Variants in THSD7A observed in about 807,000 individuals in gnomAD.
THSD7A encodes the protein thrombospondin type 1 domain containing 7A.
Under a neutral mutation model 231.3 loss-of-function variants are expected in THSD7A, and 96 were observed. The ratio of observed to expected loss-of-function variants is 0.41; its 90% CI spans 0.35 to 0.49. The LOEUF is 0.49. THSD7A is among the 20% of genes least tolerant of loss of function. The probability of loss-of-function intolerance (pLI) is 0.05; values close to 1 mark genes in which losing one functional copy is unlikely to be tolerated. For synonymous variants in THSD7A, 940 were observed against 743.3 expected (o/e 1.26, Z -4.30); for missense variants, 2,290 against 2,070.2 (o/e 1.11, Z -2.06).
At chr7:11,415,628 C>T (rs963817377) in intron 17 of THSD7A, among the ~76,000 whole-genome samples, 5 of 151,984 alleles carry the variant, frequency 3.3e-5, no homozygotes, top group African/African-American at 1.2e-4. Context: ...ATGTAGATTA[C>T]GGGGTACTAA....
chr7:11,829,677 A>G (rs1562584902), intron 1 of THSD7A, among the ~76,000 whole-genome samples: 1 of 152,132 alleles, frequency 6.6e-6, no homozygotes, highest in Non-Finnish European at 1.5e-5. Flanking sequence ...TGATACACAC[A>G]TAGTGATTCT....
chr7:11,496,705 C>G (rs958621757), intron 6 of THSD7A, among the ~76,000 whole-genome samples: 5 of 152,274 alleles, frequency 3.3e-5, no homozygotes, highest in African/African-American at 1.2e-4. Context: ...GAGATATTAT[C>G]TCACTTCTAC....
chr7:11,387,258 G>C (rs892715860), intron 23 of THSD7A, among the ~76,000 whole-genome samples: 67 of 152,188 alleles, frequency 4.4e-4, no homozygotes, highest in African/African-American at 1.5e-3. Context: ...GAAAGTCAAT[G>C]GTAACTTGAT....
At chr7:11,777,778 G>T (rs1208065006) in intron 1 of THSD7A, among the ~76,000 whole-genome samples, 1 of 152,060 alleles carries the variant, frequency 6.6e-6, no homozygotes, top group Non-Finnish European at 1.5e-5. Flanking sequence ...GCTCACTTTT[G>T]AACCTGATGA....
chr7:11,698,967 C>T (rs1780484501), intron 1 of THSD7A, among the ~76,000 whole-genome samples: 1 of 93,556 alleles, frequency 1.1e-5, no homozygotes, highest in Non-Finnish European at 2.1e-5. Flanking sequence ...CTTGAAATGT[C>T]ACTGATTTTT....
chr7:11,669,912 A>G (rs10278097), intron 1 of THSD7A, among the ~76,000 whole-genome samples: 5 of 151,960 alleles, frequency 3.3e-5, no homozygotes, highest in Non-Finnish European at 7.4e-5. Flanking sequence ...CCATGTGAAC[A>G]ATTTTCATCC....
At chr7:11,741,960 T>C (rs979761525) in intron 1 of THSD7A, among the ~76,000 whole-genome samples, 6 of 151,950 alleles carry the variant, frequency 3.9e-5, no homozygotes, top group Admixed American at 1.3e-4. Flanking sequence ...TTTTATTATA[T>C]AGATGTGGGT....
At chr7:11,567,388 T>G (rs1790399341) in intron 4 of THSD7A, among the ~76,000 whole-genome samples, 1 of 152,198 alleles carries the variant, frequency 6.6e-6, no homozygotes, top group Non-Finnish European at 1.5e-5. Flanking sequence ...ACCGCCGTCA[T>G]GATTCAATTA....
At chr7:11,415,249 CA>C (rs1783922823) in intron 17 of THSD7A, among the ~76,000 whole-genome samples, 1 of 152,220 alleles carries the variant, frequency 6.6e-6, no homozygotes, top group African/African-American at 2.4e-5. Flanking sequence ...GGCCGTCTTG[CA>C]ACATTCTCTT....
At chr7:11,381,647 C>T (rs1782521116) in intron 24 of THSD7A, among the ~76,000 whole-genome samples, 1 of 152,144 alleles carries the variant, frequency 6.6e-6, no homozygotes, top group South Asian at 2.1e-4. Flanking sequence ...CCTGCTGTTG[C>T]TATGCTATGG....
chr7:11,558,042 A>G (rs1470610718), intron 4 of THSD7A, among the ~76,000 whole-genome samples: 1 of 152,108 alleles, frequency 6.6e-6, no homozygotes, highest in Non-Finnish European at 1.5e-5. Context: ...CTTTGGCTAG[A>G]AAGAGCAGGA....
chr7:11,523,350 A>G (rs1462874321), intron 6 of THSD7A, among the ~76,000 whole-genome samples: 1 of 152,116 alleles, frequency 6.6e-6, no homozygotes, highest in Non-Finnish European at 1.5e-5. Context: ...CAAAAATCAT[A>G]CAACCCCATT....
intron 1 of THSD7A, among the ~76,000 whole-genome samples, chr7:11,725,548 T>C (rs893104643): frequency 1.3e-5 from 2 of 152,006 alleles, no homozygotes; most frequent in African/African-American, 2.4e-5. Context: ...GAAATGTCAA[T>C]AGGACCATAT....
At position 11,623,847 on chromosome 7, in the gene THSD7A, T is replaced by C. The variant is rs529206990; in HGVS notation, c.1022+12283A>G. ...GATCAGCTTTAGTGTTCTGGCCACC[T>C]GAAATCATCTCAGAGTTTCCCTGAC... On this transcript the variant is annotated intron_variant, in intron 2 of 27. Coordinates refer to ENST00000423059, the MANE Select transcript of THSD7A (RefSeq NM_015204.3). 3.3e-5 allele frequency among the ~76,000 whole-genome samples: 5 copies of C among 152,186 alleles called. No homozygotes were observed. In the East Asian group the frequency reaches 5.8e-4, roughly 18 times the overall value.
chr7:11,645,356 A>T (rs1189218779), intron 1 of THSD7A, among the ~76,000 whole-genome samples: 2 of 151,750 alleles, frequency 1.3e-5, no homozygotes, highest in Admixed American at 1.3e-4. Flanking sequence ...TATTTTGTGT[A>T]TATTTTCTGT....
chr7:11,495,066 A>G (rs1383570066), intron 6 of THSD7A, among the ~76,000 whole-genome samples: 1 of 152,028 alleles, frequency 6.6e-6, no homozygotes. Flanking sequence ...TTGACATTTC[A>G]GTAATGCTTT....
chr7:11,497,896 T>C (rs1787168055), intron 6 of THSD7A, among the ~76,000 whole-genome samples: 1 of 151,864 alleles, frequency 6.6e-6, no homozygotes. Flanking sequence ...AAGTGATGAG[T>C]GAATAAGCGA....
intron 9 of THSD7A, among the ~76,000 whole-genome samples, chr7:11,465,269 A>G (rs985821400): frequency 6.6e-6 from 1 of 152,170 alleles, no homozygotes; most frequent in African/African-American, 2.4e-5. Flanking sequence ...GCGCACAGGT[A>G]CCAATGCTGT....
intron 2 of THSD7A, among the ~76,000 whole-genome samples, chr7:11,602,043 G>A (rs1780570535): frequency 6.6e-6 from 1 of 152,124 alleles, no homozygotes; most frequent in South Asian, 2.1e-4. Flanking sequence ...CAAAGTTACT[G>A]ATATATTGTG....
Sources: gnomAD v4.1 joint callset for allele counts (sites outside exome capture counted in the v4.1 genomes callset) on GRCh38, gnomAD v4.1.1 for gene constraint, MANE v1.5 for transcripts, NCBI Gene and HGNC (gene_info 2026-07-23, HGNC 2026-07-21) for gene names.